Variants in PDE4D observed in about 807,000 individuals in gnomAD.
The protein encoded by PDE4D is 3',5'-cyclic-AMP phosphodiesterase 4D.
PDE4D carries 24 observed loss-of-function variants against 87.4 expected under a neutral mutation model. The ratio of observed to expected loss-of-function variants is 0.27; its 90% CI spans 0.20 to 0.39. PDE4D has a LOEUF of 0.39. PDE4D is among the 10% of genes least tolerant of loss of function. The probability of loss-of-function intolerance (pLI) is 1.00; values close to 1 mark genes in which losing one functional copy is unlikely to be tolerated. For synonymous variants in PDE4D, 384 were observed against 383.2 expected (o/e 1.00, Z -0.02); for missense variants, 714 against 1,041.0 (o/e 0.69, Z 4.32).
chr5:59,438,876 C>A (rs1797172233), intron 1 of PDE4D, among the ~76,000 whole-genome samples: 1 of 152,162 alleles, frequency 6.6e-6, no homozygotes, highest in South Asian at 2.1e-4. Context: ...AAGTGATCCA[C>A]ATGGAGATAA....
At chr5:60,086,925 G>T (rs1774596174) in intron 2 of PDE4D, among the ~76,000 whole-genome samples, 1 of 152,188 alleles carries the variant, frequency 6.6e-6, no homozygotes, top group African/African-American at 2.4e-5. Context: ...CTGCAAGGGG[G>T]GGCACCATTC....
intron 2 of PDE4D, among the ~76,000 whole-genome samples, chr5:60,133,591 G>A (rs1356874998): frequency 3.9e-5 from 6 of 152,056 alleles, no homozygotes. Context: ...CTAACCCAGT[G>A]CATAAAACAC....
chr5:59,969,484 C>T (rs935673776), intron 3 of PDE4D, among the ~76,000 whole-genome samples: 5 of 152,154 alleles, frequency 3.3e-5, no homozygotes, highest in African/African-American at 1.2e-4. Flanking sequence ...ATGTTGTGTT[C>T]ACCTGCTAAT....
intron 3 of PDE4D, among the ~76,000 whole-genome samples, chr5:59,973,965 C>A (rs557447892): frequency 8.5e-5 from 13 of 152,180 alleles, no homozygotes; most frequent in African/African-American, 2.4e-4. Context: ...TATCAAATAG[C>A]CTTAAATAAA....
intron 1 of PDE4D, among the ~76,000 whole-genome samples, chr5:60,204,516 A>C (rs1200755721): frequency 2.0e-5 from 3 of 148,146 alleles, no homozygotes; most frequent in Non-Finnish European, 4.6e-5. Flanking sequence ...GCTTGTATCT[A>C]TTATTTCACT....
chr5:59,102,951 C>T (rs1771011927), intron 5 of PDE4D, among the ~76,000 whole-genome samples: 1 of 152,114 alleles, frequency 6.6e-6, no homozygotes, highest in African/African-American at 2.4e-5. Flanking sequence ...ATCTCAAAAC[C>T]CAATGCAGGA....
intron 1 of PDE4D, among the ~76,000 whole-genome samples, chr5:60,236,472 C>T (rs1402234548): frequency 4.6e-5 from 7 of 151,746 alleles, no homozygotes; most frequent in Non-Finnish European, 4.4e-5. Flanking sequence ...ATATGGATGG[C>T]AAATAAGCAC....
intron 1 of PDE4D, among the ~76,000 whole-genome samples, chr5:59,611,188 T>C (rs866599522): frequency 6.6e-6 from 1 of 152,130 alleles, no homozygotes; most frequent in Non-Finnish European, 1.5e-5. Flanking sequence ...CATCAGCAGA[T>C]TGGATATCTG....
At chr5:59,641,623 A>T (rs535069785) in intron 1 of PDE4D, among the ~76,000 whole-genome samples, 1 of 152,244 alleles carries the variant, frequency 6.6e-6, no homozygotes, top group Admixed American at 6.5e-5. Context: ...CAATGAACAC[A>T]TCAATACAAA....
At chr5:59,858,344 G>A (rs952592409) in intron 1 of PDE4D, among the ~76,000 whole-genome samples, 5 of 151,852 alleles carry the variant, frequency 3.3e-5, no homozygotes, top group Non-Finnish European at 7.4e-5. Context: ...TCTGTGGTAG[G>A]ATGTATCATC....
At chr5:60,065,778 G>A (rs575920781) in intron 2 of PDE4D, among the ~76,000 whole-genome samples, 21 of 152,226 alleles carry the variant, frequency 1.4e-4, no homozygotes, top group Non-Finnish European at 2.1e-4. Context: ...CATGTTTTAT[G>A]GCTGCGTAGT....
chr5:60,003,007 A>G (rs1764151461), intron 2 of PDE4D, among the ~76,000 whole-genome samples: 3 of 152,180 alleles, frequency 2.0e-5, no homozygotes, highest in Admixed American at 1.3e-4. Flanking sequence ...AAAAAACTCT[A>G]AAGACTTCAC....
intron 1 of PDE4D, among the ~76,000 whole-genome samples, chr5:60,486,233 T>A (rs1410999843): frequency 6.6e-6 from 1 of 152,160 alleles, no homozygotes; most frequent in East Asian, 1.9e-4. Flanking sequence ...ATGCACTCCT[T>A]TCTCCCACTA....
chr5:59,632,114 A>G (rs1431799602), intron 1 of PDE4D, among the ~76,000 whole-genome samples: 1 of 152,118 alleles, frequency 6.6e-6, no homozygotes, highest in Non-Finnish European at 1.5e-5. Flanking sequence ...CACAGTGTAA[A>G]CAAAGCTGCC....
At chr5:59,624,264 C>T (rs987887956) in intron 1 of PDE4D, among the ~76,000 whole-genome samples, 1 of 152,170 alleles carries the variant, frequency 6.6e-6, no homozygotes, top group African/African-American at 2.4e-5. Flanking sequence ...CCTTTGGGGC[C>T]TTCTCTGTCT....
At chr5:60,344,989 C>G (rs561061332) in intron 1 of PDE4D, among the ~76,000 whole-genome samples, 1 of 151,884 alleles carries the variant, frequency 6.6e-6, no homozygotes, top group East Asian at 1.9e-4. Flanking sequence ...TTTATTAATA[C>G]TTTGACTTTT....
At chr5:59,558,953 T>C (rs749815755) in intron 1 of PDE4D, among the ~76,000 whole-genome samples, 1 of 152,076 alleles carries the variant, frequency 6.6e-6, no homozygotes, top group Non-Finnish European at 1.5e-5. Context: ...TTGGGGGTAG[T>C]GAAGCTCAAA....
intron 1 of PDE4D, among the ~76,000 whole-genome samples, chr5:59,751,693 C>A (rs1760507264): frequency 6.6e-6 from 1 of 151,296 alleles, no homozygotes; most frequent in Admixed American, 6.6e-5. Flanking sequence ...TCCAACCTAC[C>A]TTCCCTAGAG....
At chr5:60,045,750 G>A (rs1181081118) in intron 2 of PDE4D, among the ~76,000 whole-genome samples, 2 of 152,206 alleles carry the variant, frequency 1.3e-5, no homozygotes. Flanking sequence ...GTACCATGCT[G>A]TTTTCATTAC....
Sources: allele counts gnomAD v4.1 joint callset (sites outside exome capture counted in the v4.1 genomes callset), GRCh38; gene constraint gnomAD v4.1.1; transcripts MANE v1.5; gene names NCBI Gene and HGNC (gene_info 2026-07-23, HGNC 2026-07-21).